The following SLC7A5 variants were observed in gnomAD, a reference collection of about 807,000 sequenced individuals.
SLC7A5 encodes the protein solute carrier family 7 member 5.
A neutral mutation model predicts 50.2 loss-of-function variants in SLC7A5; 23 were observed. The observed-to-expected ratio is 0.46, with a 90% CI of 0.33 to 0.65. SLC7A5 has a LOEUF of 0.65. Among genes scored for constraint, SLC7A5 ranks in the 30% least tolerant of loss-of-function variants. The probability of loss-of-function intolerance (pLI) is 0.02; values close to 1 mark genes in which losing one functional copy is unlikely to be tolerated. For missense variants in SLC7A5, 578 were observed against 684.4 expected (o/e 0.84, Z 1.73); for synonymous variants, 393 against 330.6 (o/e 1.19, Z -2.05).
intron 2 of SLC7A5, among the ~76,000 whole-genome samples, chr16:87,849,038 G>C (rs1025260661): frequency 6.6e-6 from 1 of 152,228 alleles, no homozygotes; most frequent in Non-Finnish European, 1.5e-5. Flanking sequence ...CCCAGGGTGC[G>C]GGACAGGCAG....
chr16:87,835,025 C>A (rs760315876), intron 8 of SLC7A5, among the ~76,000 whole-genome samples: 1 of 152,266 alleles, frequency 6.6e-6, no homozygotes, highest in South Asian at 2.1e-4. Context: ...AAAGCCCATC[C>A]CTGAAGCTGC....
intron 2 of SLC7A5, among the ~76,000 whole-genome samples, chr16:87,844,156 C>T (rs1236310247): frequency 6.6e-6 from 1 of 150,780 alleles, no homozygotes; most frequent in African/African-American, 2.5e-5. Flanking sequence ...AGACTCAGCG[C>T]AGAGCCTGAG....
intron 7 of SLC7A5, among the ~76,000 whole-genome samples, chr16:87,837,261 G>A (rs970177165): frequency 5.3e-5 from 8 of 151,864 alleles, no homozygotes; most frequent in South Asian, 2.1e-4. Flanking sequence ...GCTCAGGGGT[G>A]GGGCCTGCAG....
At chr16:87,844,610 C>G (rs969927803) in intron 2 of SLC7A5, among the ~76,000 whole-genome samples, 1 of 152,222 alleles carries the variant, frequency 6.6e-6, no homozygotes, top group Non-Finnish European at 1.5e-5. Context: ...CGATGTCTCC[C>G]CATGAACGCA....
rs139155457 is a variant in SLC7A5, at chr16:87,844,601, G to A, written c.665-3446C>T. On this transcript the variant is annotated intron_variant, in intron 2 of 9. Coordinates refer to ENST00000261622, the MANE Select transcript of SLC7A5 (RefSeq NM_003486.7). ...GCCTCTGGCTCCTGACTCAGAGGAC[G>A]ATGTCTCCCCATGAACGCAGTGTCC... Among the ~76,000 whole-genome samples, 10 of 152,352 alleles carry A rather than the reference G, an allele frequency of 6.6e-5. No homozygotes were observed. The East Asian group carries it at 1.2e-3, about 18-fold the overall frequency.
intron 1 of SLC7A5, among the ~76,000 whole-genome samples, chr16:87,857,713 G>C (rs1260113541): frequency 6.6e-6 from 1 of 152,248 alleles, no homozygotes; most frequent in Non-Finnish European, 1.5e-5. Context: ...GGCCCCACCT[G>C]TCTGCTCAGT....
At position 87,836,548 on chromosome 16, in the gene SLC7A5, C is replaced by A. The variant is rs777097653; in HGVS notation, c.1240G>T (p.Gly414Cys). The A allele has an allele frequency of 1.9e-6, 3 of 1,613,370 alleles. No individual in the cohort carries two copies. Among genetic ancestry groups the A allele is most frequent in the Non-Finnish European group, 2.5e-6 (3 of 1,180,032 alleles). ...TTTCTGTGGCGCAGCCAGATCATGC[C>A]GATGATGGCCAGGGCCACGCAGAGC... ...NWLCVALAII[G>C]MIWLRHRKPE... The change falls in exon 8 of 10, where the codon GGC becomes TGC. Residue 414 changes from glycine (G) to cysteine (C), a missense_variant. By Grantham distance (159) the Gly-to-Cys change is radical (BLOSUM62 -3). This residue lies in a region of SLC7A5 where 465 missense variants were observed against 594.6 expected (regional missense o/e 0.78). Coordinates refer to ENST00000261622, the MANE Select transcript of SLC7A5 (RefSeq NM_003486.7).
chr16:87,838,047 GGGCCTCTCT>G, intron 6 of SLC7A5, 106 bp from the exon 7 acceptor site: 2 of 892,134 alleles, frequency 2.2e-6, no homozygotes, highest in South Asian at 1.4e-5. Flanking sequence ...TGGCTTGTCT[GGGCCTCTCT>G]GGCCACAGTG....
rs971008530 is a variant in SLC7A5 at position 87,852,908 on chromosome 16, C to T, written c.539-1059G>A. ...ACGACACCCCTCACTGCCTGCTGCA[C>T]TACCCTTCACTCCTCTGCTCACGAG... On this transcript the variant is annotated intron_variant, in intron 1 of 9. Transcript: ENST00000261622. The surrounding 1 kb of genome is among the most constrained non-coding windows in gnomAD (Gnocchi z 4.5). Among the ~76,000 whole-genome samples, 2 of 152,188 alleles carry T rather than the reference C, an allele frequency of 1.3e-5. No homozygotes were observed. Among genetic ancestry groups the T allele is most frequent in the African/African-American group, 4.8e-5 (2 of 41,432 alleles).
rs371645807 is a variant in SLC7A5 at position 87,833,075 on chromosome 16, C to A, written c.1469-50G>T. ...TTAGCCTGGGGGCTGGGTAGGCACC[C>A]GTGGGACACGGGGGCGTGAGCTGGG... On this transcript the variant is annotated intron_variant, in intron 9 of 9. Coordinates refer to ENST00000261622, the MANE Select transcript of SLC7A5 (RefSeq NM_003486.7). This position sits in a 1 kb window ranked among gnomAD's most constrained non-coding sequence, Gnocchi z 6.0. 4 of 1,537,486 alleles carry A rather than the reference C, an allele frequency of 2.6e-6. No homozygotes were observed. Among genetic ancestry groups the A allele is most frequent in the Admixed American group, 3.3e-5 (2 of 59,878 alleles).
intron 7 of SLC7A5, chr16:87,836,950 T>G: frequency 4.5e-6 from 2 of 440,074 alleles, no homozygotes; most frequent in Non-Finnish European, 8.5e-6. Context: ...GAACACAGTG[T>G]ACATACACAG....
chr16:87,836,154 C>T (rs536450616), intron 8 of SLC7A5, among the ~76,000 whole-genome samples: 4 of 152,380 alleles, frequency 2.6e-5, no homozygotes, highest in African/African-American at 7.2e-5. Context: ...ACAGCCCCGA[C>T]GGCCCTTTGA....
chr16:87,839,576 TTA>T, intron 5 of SLC7A5, 124 bp downstream of exon 5: 1 of 1,375,012 alleles, frequency 7.3e-7, no homozygotes, highest in South Asian at 1.2e-5. Flanking sequence ...TAGGGGAGGC[TTA>T]GAGACGCGGG....
Position 87,838,752 on chromosome 16 carries a change from G to A in SLC7A5, c.1005C>T (p.Cys335=), listed in dbSNP as rs1451105308. 1 of 1,613,960 alleles carries A rather than the reference G, an allele frequency of 6.2e-7. No homozygotes were observed. The highest frequency in any genetic ancestry group is 8.5e-7 in the Non-Finnish European group (1 of 1,180,038). ...WIIPVFVGLS[C]FGSVNGSLFT... is the part of the protein sequence containing the mutation. ...ACAGGGACCCATTGACGGAGCCGAA[G>A]CAGGACAGGCCCACGAAGACGGGGA... Residue 335 remains cysteine (C), a synonymous_variant, in exon 6 of 10, where the codon TGC becomes TGT. Coordinates refer to ENST00000261622, the MANE Select transcript of SLC7A5 (RefSeq NM_003486.7).
chr16:87,840,437 G>T lies in SLC7A5; in HGVS notation c.807C>A (p.Asn269Lys). The T allele has an allele frequency of 6.2e-7, 1 of 1,612,160 alleles. No homozygotes were observed. The highest frequency in any genetic ancestry group is 8.5e-7 in the Non-Finnish European group (1 of 1,178,182). ...YLNFVTEEMI[N>K]PYRNLPLAII... ...TCCATTCTTGCACGTACCTGTAGGGGTTGATCATTTCCTCTGTGACGAAAT... is the reference window on the plus strand; with the variant it reads ...TCCATTCTTGCACGTACCTGTAGGGTTTGATCATTTCCTCTGTGACGAAAT... Residue 269 changes from asparagine (N) to lysine (K), a missense_variant, in exon 4 of 10, where the codon AAC becomes AAA. Asn to Lys is a moderately conservative substitution (Grantham distance 94). Coordinates refer to ENST00000261622, the MANE Select transcript of SLC7A5 (RefSeq NM_003486.7).
At chr16:87,868,472 C>A (rs887487911) in intron 1 of SLC7A5, among the ~76,000 whole-genome samples, 10 of 152,114 alleles carry the variant, frequency 6.6e-5, no homozygotes, top group African/African-American at 2.4e-4. Flanking sequence ...TTTTTAACTG[C>A]AATTTCCTTC....
At position 87,831,010 on chromosome 16, in the gene SLC7A5, G is replaced by T. The variant is rs1329268513; in HGVS notation, c.*1960C>A. ...CGTGCCTCCAGGGAGCACTTCTCCT[G>T]GACCCGGGGCCGTGGCTGCCTACGA... is the stretch of plus-strand genomic sequence containing the variant. On this transcript the variant is annotated 3_prime_UTR_variant, in exon 10 of 10. Coordinates refer to ENST00000261622, the MANE Select transcript of SLC7A5 (RefSeq NM_003486.7). 2 of 152,278 alleles carry T rather than the reference G, an allele frequency of 1.3e-5. No homozygotes were observed. The highest frequency in any genetic ancestry group is 4.8e-5 in the African/African-American group (2 of 41,458). 9.4% of individuals were successfully genotyped at this position (152,278 alleles called of 1,614,324 possible).
intron 2 of SLC7A5, among the ~76,000 whole-genome samples, chr16:87,850,827 G>T (rs1468734728): frequency 6.6e-6 from 1 of 152,192 alleles, no homozygotes; most frequent in Non-Finnish European, 1.5e-5. Context: ...ACCGCGGAAT[G>T]GCAGTGTGGA....
intron 2 of SLC7A5, among the ~76,000 whole-genome samples, chr16:87,845,928 G>A (rs1378290607): frequency 2.0e-5 from 3 of 152,180 alleles, no homozygotes; most frequent in East Asian, 1.9e-4. Flanking sequence ...CCCAGCACAC[G>A]GCACCGGCAG....
Sources: gnomAD v4.1 joint callset for allele counts (sites outside exome capture counted in the v4.1 genomes callset) on GRCh38, gnomAD v4.1.1 for gene constraint, gnomAD v4.1.1 regional missense constraint, Gnocchi (gnomAD v3.1) non-coding constraint, MANE v1.5 for transcripts, NCBI Gene and HGNC (gene_info 2026-07-23, HGNC 2026-07-21) for gene names.